Variants in SIN3B observed in about 807,000 individuals in gnomAD.
SIN3B encodes SIN3 transcription regulator family member B.
In SIN3B, 19 loss-of-function variants were observed where a neutral mutation model predicts 120.2. The observed-to-expected ratio is 0.16, with a 90% CI of 0.11 to 0.23. The LOEUF is 0.23. Among genes scored for constraint, SIN3B ranks in the 10% least tolerant of loss-of-function variants. The pLI is 1.00. For missense variants in SIN3B, 1,073 were observed against 1,573.0 expected (o/e 0.68, Z 5.38); for synonymous variants, 654 against 653.2 (o/e 1.00, Z -0.02).
rs1382064223 is a variant in SIN3B, at chr19:16,878,530, C to A, written c.3196C>A (p.His1066Asn). 2 of 1,594,254 alleles carry A rather than the reference C, an allele frequency of 1.3e-6. No individual in the cohort carries two copies. The highest frequency in any genetic ancestry group is 1.7e-6 in the Non-Finnish European group (2 of 1,170,888). The change falls in exon 19 of 19, where the codon CAC (histidine) becomes AAC (asparagine). Residue 1066 changes from histidine to asparagine, a missense_variant. Around this residue, in one of 7 missense-constraint regions of SIN3B, gnomAD observed 311 missense variants for 400.3 expected, o/e 0.78. Coordinates refer to ENST00000248054, the MANE Select transcript of SIN3B (RefSeq NM_001297595.2). ...CCTGGTCCTGCTCCGCCACCACCAG[C>A]ACTTTGAGGAGTGGCACAGCCGCTG... ...QPLVLLRHHQ[H>N]FEEWHSRWLE...
chr19:16,855,379 C>CCCCCT (rs1971600566), intron 8 of SIN3B: 2 of 117,336 alleles, frequency 1.7e-5, no homozygotes, highest in Admixed American at 7.8e-5. Flanking sequence ...TTCCCCCCCC[C>CCCCCT]CCCCCCAGCA....
At chr19:16,857,304 C>G (rs1168351429) in intron 8 of SIN3B, among the ~76,000 whole-genome samples, 1 of 152,154 alleles carries the variant, frequency 6.6e-6, no homozygotes, top group Non-Finnish European at 1.5e-5. Context: ...TTCTGATGTT[C>G]TGTTTAGAAA....
In SIN3B at chr19:16,841,915, C is replaced by T; in HGVS notation, c.529C>T (p.Leu177=). The change falls in exon 4 of 19, where the codon CTA becomes TTA. Residue 177 remains leucine (L), a synonymous_variant. Coordinates refer to ENST00000248054, the MANE Select transcript of SIN3B (RefSeq NM_001297595.2). The part of the protein sequence containing the change: ...SYVNKIKTRF[L]DHPEIYRSFL... ...TGTGAATAAGATTAAAACCCGCTTC[C>T]TAGACCACCCAGAAATCTACAGGTC... The T allele has an allele frequency of 6.2e-7, 1 of 1,614,118 alleles. No homozygotes were observed. The highest frequency in any genetic ancestry group is 8.5e-7 in the Non-Finnish European group (1 of 1,180,024).
At chr19:16,867,599 G>A (rs1352840228) in intron 12 of SIN3B, among the ~76,000 whole-genome samples, 1 of 152,232 alleles carries the variant, frequency 6.6e-6, no homozygotes, top group African/African-American at 2.4e-5. Context: ...GGCACGGGCT[G>A]CGTTATCAGC....
chr19:16,860,061 T>A (rs1385703264), intron 8 of SIN3B, among the ~76,000 whole-genome samples: 1 of 152,176 alleles, frequency 6.6e-6, no homozygotes, highest in East Asian at 1.9e-4. Flanking sequence ...CGGAGCACAG[T>A]CAGCTGTTCT....
intron 3 of SIN3B, among the ~76,000 whole-genome samples, chr19:16,835,080 G>A (rs1211733102): frequency 6.7e-6 from 1 of 148,976 alleles, no homozygotes; most frequent in Non-Finnish European, 1.5e-5. Flanking sequence ...GCATGCACCA[G>A]CGCGCCCGAC....
At chr19:16,833,557 G>A (rs905225067) in intron 3 of SIN3B, among the ~76,000 whole-genome samples, 3 of 151,440 alleles carry the variant, frequency 2.0e-5, no homozygotes, top group South Asian at 2.1e-4. Context: ...GCTTGAACCT[G>A]GGAGGCGGAG....
chr19:16,838,078 G>T (rs1971370774), intron 3 of SIN3B, among the ~76,000 whole-genome samples: 1 of 152,136 alleles, frequency 6.6e-6, no homozygotes, highest in African/African-American at 2.4e-5. Flanking sequence ...AGAAAACTGG[G>T]CTTGTGCTGG....
chr19:16,834,619 G>C (rs1279615559), intron 3 of SIN3B, among the ~76,000 whole-genome samples: 1 of 152,194 alleles, frequency 6.6e-6, no homozygotes, highest in Admixed American at 6.5e-5. Context: ...GTCATTTCCA[G>C]GCTTAGGTGT....
Position 16,879,020 on chromosome 19 carries a change from A to G in SIN3B, c.*293A>G, listed in dbSNP as rs2051655777. On this transcript the variant is annotated 3_prime_UTR_variant, in exon 19 of 19. Transcript: ENST00000248054. The stretch of plus-strand genomic sequence containing the variant: ...AATCATGTTTGCGTCCCCGTCCGTC[A>G]CATGTGCCAAATCCCTGGCAGGCAG... 3.7e-5 allele frequency: 18 copies of G among 481,506 alleles called. No individual in the cohort carries two copies. The South Asian group carries it at 5.3e-4, about 14-fold the overall frequency. The allele number at this position is 481,506 out of a possible 1,614,324, so 29.8% of individuals were successfully genotyped here. A position where few individuals can be genotyped will look rare whatever the true frequency, so the allele number is the denominator to read the frequency against.
At chr19:16,875,608 T>G (rs2051588059) in intron 14 of SIN3B, among the ~76,000 whole-genome samples, 1 of 132,708 alleles carries the variant, frequency 7.5e-6, no homozygotes, top group African/African-American at 2.9e-5. Context: ...CTGGTCTGGT[T>G]TTGGTCTGGT....
At chr19:16,836,448 C>T (rs930114487) in intron 3 of SIN3B, among the ~76,000 whole-genome samples, 1 of 152,190 alleles carries the variant, frequency 6.6e-6, no homozygotes. Flanking sequence ...ATGTCAGCTC[C>T]ACAGAGAGCC....
chr19:16,864,838 T>TA (rs1971741658), intron 10 of SIN3B, among the ~76,000 whole-genome samples: 2 of 141,966 alleles, frequency 1.4e-5, no homozygotes, highest in African/African-American at 2.7e-5. Flanking sequence ...AAAAAAAAAA[T>TA]TTTTTTTTTT....
rs761606671 is a variant in SIN3B, at chr19:16,878,409, G to A, written c.3162+19G>A. The A allele has an allele frequency of 6.2e-7, 1 of 1,605,658 alleles. No homozygotes were observed. The highest frequency in any genetic ancestry group is 1.1e-5 in the South Asian group (1 of 89,858). On this transcript the variant is annotated intron_variant, in intron 18 of 18. Transcript: ENST00000248054. ...CAAGCAGGTGCCAGGGGAGGCCTGG[G>A]CTGCCCCGACATGCCCCTCCTCACC...
Position 16,869,740 on chromosome 19 carries a change from G to A in SIN3B, c.2087G>A (p.Ser696Asn). 6.2e-7 allele frequency: 1 copy of A among 1,613,396 alleles called. No homozygotes were observed. The highest frequency in any genetic ancestry group is 8.5e-7 in the Non-Finnish European group (1 of 1,179,982). The change falls in exon 13 of 19, where the codon AGT becomes AAT. Residue 696 changes from serine (S) to asparagine (N), a missense_variant. This residue lies in a region of SIN3B where 169 missense variants were observed against 207.3 expected (regional missense o/e 0.82). Transcript: ENST00000248054. ...DSPQGQTTDP[S>N]ERKKPAPGPH... is the part of the protein sequence containing the mutation. ...CCCCAGGGGCAGACCACAGACCCCAGTGAGCGGAAGAAGCCGGCGCCAGGA... is the reference window on the plus strand; with the variant it reads ...CCCCAGGGGCAGACCACAGACCCCAATGAGCGGAAGAAGCCGGCGCCAGGA...
intron 3 of SIN3B, among the ~76,000 whole-genome samples, chr19:16,835,740 G>A (rs927128900): frequency 6.6e-6 from 1 of 151,842 alleles, no homozygotes; most frequent in East Asian, 1.9e-4. Flanking sequence ...GGCTGGTCTC[G>A]AACCCCTGAC....
Position 16,854,137 on chromosome 19 carries a change from C to T in SIN3B, c.940-6C>T, listed in dbSNP as rs376729506. ...TCACAGTGGTCCCTGACTGCTCTCT[C>T]TGCAGGTCCGCCGGGTGCTGAAGAG... On this transcript the variant is annotated splice_polypyrimidine_tract_variant and splice_region_variant and intron_variant, in intron 7 of 18. Coordinates refer to ENST00000248054, the MANE Select transcript of SIN3B (RefSeq NM_001297595.2). 4 of 1,608,886 alleles carry T rather than the reference C, an allele frequency of 2.5e-6. No homozygotes were observed. Among genetic ancestry groups the T allele is most frequent in the Non-Finnish European group, 3.4e-6 (4 of 1,177,744 alleles).
Position 16,879,336 on chromosome 19 carries a change from C to T in SIN3B, c.*609C>T, listed in dbSNP as rs1417797195. On this transcript the variant is annotated 3_prime_UTR_variant, in exon 19 of 19. Transcript: ENST00000248054. ...ACCTTTGGGATCCCATTTTGAAGTCCAGAGCTGGAGCAGGCGGGCAGTGCC... is the reference window on the plus strand; with the variant it reads ...ACCTTTGGGATCCCATTTTGAAGTCTAGAGCTGGAGCAGGCGGGCAGTGCC... 2 of 152,664 alleles carry T rather than the reference C, an allele frequency of 1.3e-5. No homozygotes were observed. Among genetic ancestry groups the T allele is most frequent in the Non-Finnish European group, 2.9e-5 (2 of 68,424 alleles). The allele number at this position is 152,664 out of a possible 1,614,324, so 9.5% of individuals were successfully genotyped here.
chr19:16,851,551 T>G lies in SIN3B; in HGVS notation c.849+17T>G. ...CCCGCCAAGGTACCTGTGAGCCACA[T>G]GCAGCCATGCCTGCACGCGGGGCCC... On this transcript the variant is annotated intron_variant, in intron 6 of 18. Transcript: ENST00000248054. 6.3e-7 allele frequency: 1 copy of G among 1,582,150 alleles called. No homozygotes were observed. The highest frequency in any genetic ancestry group is 8.6e-7 in the Non-Finnish European group (1 of 1,164,158).
Sources: allele counts gnomAD v4.1 joint callset (sites outside exome capture counted in the v4.1 genomes callset), GRCh38; gene constraint gnomAD v4.1.1; regional missense constraint gnomAD v4.1.1; transcripts MANE v1.5; gene names NCBI Gene and HGNC (gene_info 2026-07-23, HGNC 2026-07-21).